The following TMEM131 variants were observed in gnomAD, a reference collection of about 807,000 sequenced individuals.
TMEM131 encodes the protein transmembrane protein 131.
Under a neutral mutation model 211.6 loss-of-function variants are expected in TMEM131, and 66 were observed. The ratio of observed to expected loss-of-function variants is 0.31; its 90% CI spans 0.26 to 0.38. The LOEUF (loss-of-function observed/expected upper bound fraction) is 0.38. Among genes scored for constraint, TMEM131 ranks in the 10% least tolerant of loss-of-function variants. The probability of loss-of-function intolerance (pLI) is 1.00; values close to 1 mark genes in which losing one functional copy is unlikely to be tolerated. For synonymous variants in TMEM131, 844 were observed against 841.3 expected, an observed-to-expected ratio of 1.00 and a Z score of -0.06; for missense variants, 2,036 against 2,299.3, an observed-to-expected ratio of 0.89 and a Z score of 2.34.
intron 1 of TMEM131, among the ~76,000 whole-genome samples, chr2:97,965,489 G>A (rs1294823099): frequency 6.6e-6 from 1 of 152,096 alleles, no homozygotes; most frequent in Non-Finnish European, 1.5e-5. Flanking sequence ...CAGGTGGTGT[G>A]GGGCTGGTTT....
At chr2:97,822,091 C>T (rs908842008) in intron 11 of TMEM131, among the ~76,000 whole-genome samples, 3 of 152,172 alleles carry the variant, frequency 2.0e-5, no homozygotes, top group Non-Finnish European at 4.4e-5. Flanking sequence ...CTTCCTCTTG[C>T]CTCTCTTCTC....
chr2:97,772,606 T>C (rs978370609), intron 32 of TMEM131, among the ~76,000 whole-genome samples, 182 bp from the exon 33 acceptor site: 1 of 152,206 alleles, frequency 6.6e-6, no homozygotes, highest in African/African-American at 2.4e-5. Context: ...CCTTCTTTAA[T>C]TTGTCTCAGC....
At chr2:97,995,269 G>A (rs1309806418) in intron 1 of TMEM131, among the ~76,000 whole-genome samples, 2 of 152,260 alleles carry the variant, frequency 1.3e-5, no homozygotes, top group Non-Finnish European at 2.9e-5. Flanking sequence ...AGTGACAGGA[G>A]ACGGGGGAAG....
At chr2:97,803,454 G>A (rs544638225) in intron 22 of TMEM131, among the ~76,000 whole-genome samples, 1 of 152,346 alleles carries the variant, frequency 6.6e-6, no homozygotes, top group African/African-American at 2.4e-5. Context: ...ACTTATAAGT[G>A]TGTATAAGCC....
At chr2:97,814,470 G>C (rs898644128) in intron 13 of TMEM131, 82 bp from the exon 14 acceptor site, 1 of 1,275,788 alleles carries the variant, frequency 7.8e-7, no homozygotes, top group Non-Finnish European at 1.1e-6. Flanking sequence ...TCTGTTGTAA[G>C]TAATAATTTA....
Position 97,962,503 on chromosome 2 carries a change from C to CA in TMEM131, c.187+32972dup, listed in dbSNP as rs988681411. Among the ~76,000 whole-genome samples, 92 of 150,390 alleles carry CA rather than the reference C, an allele frequency of 6.1e-4. 1 individual carries two copies. Among genetic ancestry groups the CA allele is most frequent in the African/African-American group, 2.1e-3 (86 of 40,912 alleles). On this transcript the variant is annotated intron_variant, in intron 1 of 40. Transcript: ENST00000186436. ...TGGGCAACAGAGTGAGACTCCGTCT[C>CA]AAAAAAAAACTATAATGAAATACCA...
intron 2 of TMEM131, among the ~76,000 whole-genome samples, chr2:97,912,651 G>C (rs1676333601): frequency 6.6e-6 from 1 of 152,170 alleles, no homozygotes; most frequent in Admixed American, 6.5e-5. Context: ...AGGTGTTAAG[G>C]AAAATATGTA....
chr2:97,940,527 G>A (rs552369491), intron 1 of TMEM131, among the ~76,000 whole-genome samples: 30 of 152,058 alleles, frequency 2.0e-4, no homozygotes, highest in African/African-American at 6.7e-4. Flanking sequence ...GGACACAAAC[G>A]GCCTGGCGTG....
At chr2:97,786,856 T>C (rs1162140784) in intron 31 of TMEM131, among the ~76,000 whole-genome samples, 1 of 152,234 alleles carries the variant, frequency 6.6e-6, no homozygotes, top group African/African-American at 2.4e-5. Context: ...CGTTCTACTA[T>C]TCGATGTCCT....
intron 39 of TMEM131, 83 bp downstream of exon 39, chr2:97,759,569 T>C (rs1678705171): frequency 8.4e-7 from 1 of 1,193,586 alleles, no homozygotes; most frequent in Admixed American, 2.0e-5. Flanking sequence ...CTGTGCTGTG[T>C]TCTCCAGCAC....
At chr2:97,829,344 C>T (rs982375442) in intron 11 of TMEM131, among the ~76,000 whole-genome samples, 1 of 151,960 alleles carries the variant, frequency 6.6e-6, no homozygotes, top group African/African-American at 2.4e-5. Context: ...CTGTATCTAG[C>T]TAAAGGATTG....
chr2:97,838,598 C>T (rs960646910), intron 7 of TMEM131, among the ~76,000 whole-genome samples: 5 of 151,964 alleles, frequency 3.3e-5, no homozygotes, highest in African/African-American at 1.2e-4. Flanking sequence ...GCACATGCCT[C>T]CACGCCCAGC....
At chr2:97,771,105 A>T (rs1370305544) in intron 33 of TMEM131, among the ~76,000 whole-genome samples, 1 of 152,024 alleles carries the variant, frequency 6.6e-6, no homozygotes, top group Non-Finnish European at 1.5e-5. Flanking sequence ...CCTTCAAATG[A>T]TCAACCACCT....
Position 97,859,372 on chromosome 2 carries a change from C to T in TMEM131, c.415G>A (p.Glu139Lys). 5 of 1,600,302 alleles carry T rather than the reference C, an allele frequency of 3.1e-6. No individual in the cohort carries two copies. Among genetic ancestry groups the T allele is most frequent in the Non-Finnish European group, 4.3e-6 (5 of 1,175,930 alleles). The change falls in exon 5 of 41, where the codon GAA becomes AAA. Residue 139 changes from glutamate to lysine, a missense_variant. Physicochemically the swap from Glu to Lys is moderately conservative, Grantham distance 56 (BLOSUM62 1). Transcript: ENST00000186436. ...KVYLHNPSSEETITLVSISAT... is the reference protein window; with the variant it reads ...KVYLHNPSSEKTITLVSISAT... ...GATATTGATACTAAAGTAATCGTTT[C>T]TTCAGAACTAGGATTATGTAAGTAG... is the stretch of plus-strand genomic sequence containing the variant.
chr2:97,824,719 C>A (rs1293859744), intron 11 of TMEM131, among the ~76,000 whole-genome samples: 1 of 152,220 alleles, frequency 6.6e-6, no homozygotes, highest in Non-Finnish European at 1.5e-5. Flanking sequence ...TCAAATCAGG[C>A]TAAAAGACTC....
intron 2 of TMEM131, among the ~76,000 whole-genome samples, 181 bp downstream of exon 2, chr2:97,927,240 TTAATC>T (rs1465377599): frequency 7.2e-5 from 11 of 152,174 alleles, no homozygotes; most frequent in Admixed American, 2.6e-4. Flanking sequence ...AAAGAAATAT[TTAATC>T]TAAAAGAAAA....
chr2:97,986,141 A>C (rs1441275675), intron 1 of TMEM131, among the ~76,000 whole-genome samples: 4 of 152,258 alleles, frequency 2.6e-5, no homozygotes, highest in Non-Finnish European at 4.4e-5. Flanking sequence ...AAATGTATAA[A>C]AGTATTCAGT....
intron 28 of TMEM131, among the ~76,000 whole-genome samples, 183 bp from the exon 29 acceptor site, chr2:97,795,298 A>T (rs1038936824): frequency 6.6e-6 from 1 of 152,246 alleles, no homozygotes; most frequent in Non-Finnish European, 1.5e-5. Flanking sequence ...GAACAACTGT[A>T]TTCTGTGAAT....
chr2:97,768,176 C>T (rs562545128), intron 33 of TMEM131, among the ~76,000 whole-genome samples: 1 of 152,272 alleles, frequency 6.6e-6, no homozygotes, highest in South Asian at 2.1e-4. Flanking sequence ...TTTCCGTTAG[C>T]CCAAATAACT....
Sources: allele counts gnomAD v4.1 joint callset (sites outside exome capture counted in the v4.1 genomes callset), GRCh38; gene constraint gnomAD v4.1.1; transcripts MANE v1.5; gene names NCBI Gene and HGNC (gene_info 2026-07-23, HGNC 2026-07-21).